The following GNAL variants were observed in gnomAD, a reference collection of about 807,000 sequenced individuals.
GNAL encodes the protein guanine nucleotide-binding protein G(olf) subunit alpha.
In GNAL, 18 loss-of-function variants were observed where a neutral mutation model predicts 55.1. That is an observed-to-expected ratio of 0.33 (90% CI 0.23 to 0.48). The LOEUF (loss-of-function observed/expected upper bound fraction) is 0.48. Ranked by LOEUF, GNAL falls within the 20% of genes least tolerant of loss-of-function variation. GNAL has a pLI of 0.99. For missense variants in GNAL, 412 were observed against 614.1 expected, an observed-to-expected ratio of 0.67 and a Z score of 3.48; for synonymous variants, 253 against 237.0, an observed-to-expected ratio of 1.07 and a Z score of -0.62.
chr18:11,766,710 A>T (rs2033416326), intron 4 of GNAL, among the ~76,000 whole-genome samples: 1 of 152,214 alleles, frequency 6.6e-6, no homozygotes, highest in South Asian at 2.1e-4. Flanking sequence ...TTAGCTGGAA[A>T]CTGCTTGGGT....
intron 1 of GNAL, among the ~76,000 whole-genome samples, chr18:11,693,076 T>C (rs904352584): frequency 1.3e-5 from 2 of 151,296 alleles, no homozygotes; most frequent in African/African-American, 4.9e-5. Context: ...CAAAAAAAAA[T>C]AAGACAAATA....
At chr18:11,815,387 C>G (rs1156603026) in intron 4 of GNAL, among the ~76,000 whole-genome samples, 1 of 152,100 alleles carries the variant, frequency 6.6e-6, no homozygotes, top group Non-Finnish European at 1.5e-5. Context: ...GTACAGGAAG[C>G]AAAGCGGCTT....
chr18:11,738,829 T>C (rs1460809878), intron 1 of GNAL, among the ~76,000 whole-genome samples: 1 of 151,978 alleles, frequency 6.6e-6, no homozygotes, highest in African/African-American at 2.4e-5. Flanking sequence ...AATTGTGTAG[T>C]ATGAGTCCGT....
chr18:11,779,661 G>T (rs1375173881), intron 4 of GNAL, among the ~76,000 whole-genome samples: 1 of 152,170 alleles, frequency 6.6e-6, no homozygotes, highest in African/African-American at 2.4e-5. Context: ...AAAGATGGGA[G>T]TTATTGGCTC....
intron 4 of GNAL, among the ~76,000 whole-genome samples, chr18:11,765,815 G>C (rs140329607): frequency 6.6e-6 from 1 of 152,116 alleles, no homozygotes. Flanking sequence ...TCTTGGATAG[G>C]ATGTCTTTGA....
intron 5 of GNAL, among the ~76,000 whole-genome samples, chr18:11,848,020 G>A (rs1475158875): frequency 1.3e-5 from 2 of 152,180 alleles, no homozygotes; most frequent in African/African-American, 2.4e-5. Context: ...GGAGGTGCCA[G>A]TAGTAAATGG....
intron 4 of GNAL, among the ~76,000 whole-genome samples, chr18:11,812,152 T>C (rs751674162): frequency 6.6e-6 from 1 of 152,240 alleles, no homozygotes; most frequent in Non-Finnish European, 1.5e-5. Flanking sequence ...AAATTCTATG[T>C]TCCATCACTG....
chr18:11,814,003 T>C (rs2143586887), intron 4 of GNAL, among the ~76,000 whole-genome samples: 1 of 152,230 alleles, frequency 6.6e-6, no homozygotes, highest in Middle Eastern at 3.4e-3. Flanking sequence ...GGAAAAAAAG[T>C]GAATATTGAC....
chr18:11,854,790 G>GA (rs568877560), intron 5 of GNAL, among the ~76,000 whole-genome samples: 56 of 146,952 alleles, frequency 3.8e-4, no homozygotes, highest in Non-Finnish European at 5.1e-4. Flanking sequence ...TCAAAAAAAG[G>GA]AAAAAAAAAA....
intron 11 of GNAL, among the ~76,000 whole-genome samples, chr18:11,876,988 G>A (rs375030524): frequency 3.2e-4 from 49 of 152,270 alleles, no homozygotes; most frequent in African/African-American, 9.4e-4. Context: ...AAAGGACAGC[G>A]TCCTTCAGCA....
chr18:11,803,786 A>G, intron 4 of GNAL, among the ~76,000 whole-genome samples: 1 of 151,378 alleles, frequency 6.6e-6, no homozygotes, highest in Admixed American at 6.6e-5. Context: ...GAACACGGAG[A>G]TACTGTGTAG....
In GNAL at chr18:11,848,235, A is replaced by G. The variant is rs534634690; in HGVS notation, c.723-14160A>G. ...CACCGTGGAAATGGCTGGGGTGTTG[A>G]TAAGAGAAAGAAGAGGGCAGGGCTG... is the stretch of plus-strand genomic sequence containing the variant. On this transcript the variant is annotated intron_variant, in intron 5 of 11. Transcript: ENST00000334049. Among the ~76,000 whole-genome samples, 8 of 152,230 alleles carry G rather than the reference A, an allele frequency of 5.3e-5. No homozygotes were observed. In the South Asian group the frequency reaches 1.7e-3, roughly 32 times the overall value.
intron 4 of GNAL, among the ~76,000 whole-genome samples, chr18:11,756,315 T>C (rs1183352205): frequency 6.6e-6 from 1 of 152,200 alleles, no homozygotes; most frequent in African/African-American, 2.4e-5. Flanking sequence ...ATAGATAAAT[T>C]AAGGTTACTT....
intron 4 of GNAL, among the ~76,000 whole-genome samples, chr18:11,759,753 C>A (rs1279052233): frequency 1.3e-5 from 2 of 152,250 alleles, no homozygotes; most frequent in Non-Finnish European, 2.9e-5. Flanking sequence ...CGGCTGCTGC[C>A]GTGTGCTGCC....
At chr18:11,795,436 A>G (rs1319532356) in intron 4 of GNAL, among the ~76,000 whole-genome samples, 1 of 151,812 alleles carries the variant, frequency 6.6e-6, no homozygotes, top group Non-Finnish European at 1.5e-5. Context: ...CAACATTTGT[A>G]CTATCATTAG....
At chr18:11,867,111 G>A (rs1219233930) in intron 7 of GNAL, 57 bp from the exon 8 acceptor site, 11 of 1,313,048 alleles carry the variant, frequency 8.4e-6, no homozygotes, top group African/African-American at 5.8e-5. Flanking sequence ...AAGCAAGCAC[G>A]TTTGCCATTG....
chr18:11,714,314 G>A (rs2031903732), intron 1 of GNAL, among the ~76,000 whole-genome samples: 1 of 152,166 alleles, frequency 6.6e-6, no homozygotes, highest in South Asian at 2.1e-4. Flanking sequence ...TTTTCCAAAA[G>A]AGGATTTTAA....
At chr18:11,699,194 A>T (rs1031856819) in intron 1 of GNAL, among the ~76,000 whole-genome samples, 1 of 151,644 alleles carries the variant, frequency 6.6e-6, no homozygotes, top group Non-Finnish European at 1.5e-5. Flanking sequence ...TTTTAATTTT[A>T]TTTATTTATT....
At chr18:11,853,843 GAC>G (rs2035939657) in intron 5 of GNAL, 1 of 166,724 alleles carries the variant, frequency 6.0e-6, no homozygotes, top group South Asian at 2.1e-4. Context: ...TTATTTTTGA[GAC>G]AGAGTCTCGC....
Sources: allele counts gnomAD v4.1 joint callset (sites outside exome capture counted in the v4.1 genomes callset), GRCh38; gene constraint gnomAD v4.1.1; transcripts MANE v1.5; gene names NCBI Gene and HGNC (gene_info 2026-07-23, HGNC 2026-07-21).